CACNA2D3: variants seen among roughly 807,000 people sequenced by gnomAD.
CACNA2D3 encodes the protein calcium voltage-gated channel auxiliary subunit alpha2delta 3, also known as voltage-dependent calcium channel subunit alpha-2/delta-3.
A neutral mutation model predicts 160.6 loss-of-function variants in CACNA2D3; 60 were observed. The ratio of observed to expected loss-of-function variants is 0.37; its 90% CI spans 0.30 to 0.46. CACNA2D3 has a LOEUF of 0.46. Ranked by LOEUF, CACNA2D3 falls within the 20% of genes least tolerant of loss-of-function variation. The probability of loss-of-function intolerance (pLI) is 1.00; values close to 1 mark genes in which losing one functional copy is unlikely to be tolerated. For missense variants in CACNA2D3, 1,205 were observed against 1,365.0 expected, an observed-to-expected ratio of 0.88 and a Z score of 1.85; for synonymous variants, 558 against 492.9, an observed-to-expected ratio of 1.13 and a Z score of -1.75.
chr3:54,957,201 C>G (rs1701920505), intron 27 of CACNA2D3, among the ~76,000 whole-genome samples: 1 of 151,896 alleles, frequency 6.6e-6, no homozygotes. Context: ...TTTCTGTCCC[C>G]CAGGCTGGAG....
chr3:54,849,400 C>G (rs1449268605), intron 17 of CACNA2D3, among the ~76,000 whole-genome samples: 3 of 152,138 alleles, frequency 2.0e-5, no homozygotes, highest in South Asian at 2.1e-4. Context: ...TCCTTAACCA[C>G]CAGTCCCCTC....
At chr3:54,905,191 A>G (rs1700426980) in intron 27 of CACNA2D3, among the ~76,000 whole-genome samples, 4 of 152,228 alleles carry the variant, frequency 2.6e-5, no homozygotes, top group Admixed American at 2.0e-4. Flanking sequence ...AACACAGAAC[A>G]CTTTAGATCT....
chr3:54,579,221 G>T (rs1484938022), intron 8 of CACNA2D3, among the ~76,000 whole-genome samples: 1 of 152,192 alleles, frequency 6.6e-6, no homozygotes, highest in Non-Finnish European at 1.5e-5. Flanking sequence ...GTGAGGAAAG[G>T]TTGGTTCAGC....
At chr3:54,300,395 T>G (rs1703446801) in intron 2 of CACNA2D3, among the ~76,000 whole-genome samples, 1 of 152,240 alleles carries the variant, frequency 6.6e-6, no homozygotes, top group Non-Finnish European at 1.5e-5. Flanking sequence ...CAGAGGATGT[T>G]GGGTTGCATT....
intron 27 of CACNA2D3, among the ~76,000 whole-genome samples, chr3:54,955,770 A>T (rs1701873699): frequency 6.6e-6 from 1 of 152,052 alleles, no homozygotes; most frequent in African/African-American, 2.4e-5. Flanking sequence ...AAGGAGTTGG[A>T]GTTGACCTGC....
chr3:54,506,180 T>G (rs1210134316), intron 5 of CACNA2D3, among the ~76,000 whole-genome samples: 1 of 152,148 alleles, frequency 6.6e-6, no homozygotes, highest in Non-Finnish European at 1.5e-5. Context: ...CTTTTTTTTT[T>G]GTTTTCCTTT....
chr3:54,206,805 TAGTC>T (rs1169882314), intron 2 of CACNA2D3, among the ~76,000 whole-genome samples: 3 of 152,346 alleles, frequency 2.0e-5, no homozygotes, highest in East Asian at 3.9e-4. Context: ...ATAGCTGAAT[TAGTC>T]AGGGTAACTA....
intron 2 of CACNA2D3, among the ~76,000 whole-genome samples, chr3:54,127,271 T>C (rs1032553651): frequency 1.3e-5 from 2 of 152,246 alleles, no homozygotes; most frequent in Non-Finnish European, 2.9e-5. Flanking sequence ...GGACGCCTCA[T>C]GGAGCACTTA....
Position 54,885,287 on chromosome 3 carries a change from A to C in CACNA2D3, c.1919A>C (p.His640Pro). 1 of 1,613,890 alleles carries C rather than the reference A, an allele frequency of 6.2e-7. No homozygotes were observed. The highest frequency in any genetic ancestry group is 2.2e-5 in the East Asian group (1 of 44,872). Residue 640 changes from histidine to proline, a missense_variant, in exon 22 of 38, where the codon CAT (histidine) becomes CCT (proline). His to Pro is a moderately conservative substitution (Grantham distance 77). Around this residue, in one of 3 missense-constraint regions of CACNA2D3, gnomAD observed 911 missense variants for 1,002.2 expected, o/e 0.91. Transcript: ENST00000474759. Reference protein sequence around the residue: ...RGNVTIEEGLHDLEHPDVSLA... With the variant: ...RGNVTIEEGLPDLEHPDVSLA... ...CCTTCTCCTTGACCCCCAGGCCTGC[A>C]TGACTTAGAACATCCCGATGTGTCC... is the stretch of plus-strand genomic sequence containing the variant.
chr3:54,871,249 T>C (rs958834211), intron 17 of CACNA2D3, among the ~76,000 whole-genome samples: 1 of 151,372 alleles, frequency 6.6e-6, no homozygotes, highest in Non-Finnish European at 1.5e-5. Context: ...GGGGACAGAT[T>C]TTCCTTTGCA....
At chr3:54,806,377 A>G (rs1703123702) in intron 13 of CACNA2D3, among the ~76,000 whole-genome samples, 2 of 152,192 alleles carry the variant, frequency 1.3e-5, no homozygotes, top group Non-Finnish European at 2.9e-5. Flanking sequence ...AAATCAATGT[A>G]CAAAAATCAC....
intron 31 of CACNA2D3, among the ~76,000 whole-genome samples, chr3:54,991,840 T>C (rs1463607303): frequency 6.6e-6 from 1 of 152,218 alleles, no homozygotes; most frequent in Admixed American, 6.5e-5. Context: ...AAATACAATA[T>C]GTTAAAATGC....
chr3:54,323,330 C>T (rs1286721279), intron 3 of CACNA2D3, among the ~76,000 whole-genome samples: 1 of 152,164 alleles, frequency 6.6e-6, no homozygotes, highest in Non-Finnish European at 1.5e-5. Flanking sequence ...CATGGGTTTG[C>T]AGTGGAGTCA....
intron 4 of CACNA2D3, among the ~76,000 whole-genome samples, chr3:54,429,395 ATTTC>A (rs375452055): frequency 9.3e-5 from 14 of 151,146 alleles, no homozygotes; most frequent in Middle Eastern, 3.4e-3. Flanking sequence ...TGTTTCCTTT[ATTTC>A]TTTCTTTCTT....
At chr3:54,567,065 C>T (rs1009430420) in intron 6 of CACNA2D3, among the ~76,000 whole-genome samples, 4 of 152,174 alleles carry the variant, frequency 2.6e-5, no homozygotes, top group African/African-American at 7.2e-5. Flanking sequence ...GATCATGGAA[C>T]ACCATAATTT....
chr3:54,222,163 G>T (rs1316590563), intron 2 of CACNA2D3, among the ~76,000 whole-genome samples: 1 of 152,176 alleles, frequency 6.6e-6, no homozygotes, highest in Non-Finnish European at 1.5e-5. Context: ...ATAAGGAATG[G>T]GCTTATGCAA....
intron 18 of CACNA2D3, among the ~76,000 whole-genome samples, chr3:54,872,849 TG>T (rs1559611991): frequency 6.6e-6 from 1 of 152,174 alleles, no homozygotes; most frequent in Admixed American, 6.5e-5. Context: ...GCTGACATAG[TG>T]TCAGCTCAAT....
At chr3:54,451,575 C>T (rs778281524) in intron 4 of CACNA2D3, among the ~76,000 whole-genome samples, 1 of 152,158 alleles carries the variant, frequency 6.6e-6, no homozygotes, top group African/African-American at 2.4e-5. Context: ...CATGCCTAAT[C>T]TCTCCATAGG....
intron 16 of CACNA2D3, among the ~76,000 whole-genome samples, chr3:54,842,043 A>G (rs1698830925): frequency 6.6e-6 from 1 of 152,238 alleles, no homozygotes; most frequent in African/African-American, 2.4e-5. Flanking sequence ...TCATCAGTGT[A>G]TTGATTTGTG....
Sources: gnomAD v4.1 joint callset for allele counts (sites outside exome capture counted in the v4.1 genomes callset) on GRCh38, gnomAD v4.1.1 for gene constraint, gnomAD v4.1.1 regional missense constraint, MANE v1.5 for transcripts, NCBI Gene and HGNC (gene_info 2026-07-23, HGNC 2026-07-21) for gene names.